Variants in ALK observed in about 807,000 individuals in gnomAD.
The protein encoded by ALK is ALK receptor tyrosine kinase.
ALK carries 74 observed loss-of-function variants against 163.1 expected under a neutral mutation model. That is an observed-to-expected ratio of 0.45 (90% confidence interval 0.38 to 0.55). The LOEUF (loss-of-function observed/expected upper bound fraction) is 0.55, where lower values mean the gene tolerates loss of function less well. Among genes scored for constraint, ALK ranks in the 20% least tolerant of loss-of-function variants. ALK has a pLI of 0.00. For synonymous variants in ALK, 960 were observed against 843.2 expected, an observed-to-expected ratio of 1.14 and a Z score of -2.40; for missense variants, 2,063 against 2,105.3, an observed-to-expected ratio of 0.98 and a Z score of 0.39.
chr2:29,659,507 C>T (rs188484085), intron 3 of ALK, among the ~76,000 whole-genome samples: 9 of 152,228 alleles, frequency 5.9e-5, no homozygotes, highest in Admixed American at 4.6e-4. Context: ...TTTCTGTGAG[C>T]AGCCCCTTAA....
intron 8 of ALK, among the ~76,000 whole-genome samples, chr2:29,303,002 C>T (rs1018729386): frequency 8.5e-5 from 13 of 152,116 alleles, no homozygotes; most frequent in Middle Eastern, 3.4e-3. Context: ...GCAAATGCAA[C>T]AAAAACAAAA....
intron 4 of ALK, among the ~76,000 whole-genome samples, chr2:29,422,913 GTTTTTTT>G (rs59625011): frequency 7.2e-6 from 1 of 138,674 alleles, no homozygotes; most frequent in East Asian, 2.2e-4. Flanking sequence ...CACTTGATAT[GTTTTTTT>G]TTTTTTTTTC....
chr2:29,354,439 A>G (rs983157956), intron 5 of ALK, among the ~76,000 whole-genome samples: 2 of 152,188 alleles, frequency 1.3e-5, no homozygotes, highest in African/African-American at 4.8e-5. Context: ...GTTGAGCTGA[A>G]TGATCCTGGG....
intron 3 of ALK, among the ~76,000 whole-genome samples, chr2:29,623,376 C>T (rs1055996291): frequency 6.6e-6 from 1 of 152,090 alleles, no homozygotes; most frequent in African/African-American, 2.4e-5. Context: ...AAAATCACCA[C>T]TAGAAGAAAC....
At chr2:29,254,153 T>A (rs1468310049) in intron 11 of ALK, among the ~76,000 whole-genome samples, 1 of 152,214 alleles carries the variant, frequency 6.6e-6, no homozygotes, top group Non-Finnish European at 1.5e-5. Flanking sequence ...CCTTCTGCCA[T>A]AAGTGTAAGT....
intron 5 of ALK, among the ~76,000 whole-genome samples, chr2:29,334,852 T>G (rs1396744794): frequency 2.6e-5 from 4 of 152,276 alleles, no homozygotes; most frequent in Admixed American, 1.3e-4. Flanking sequence ...AGCCCCAAAC[T>G]AACGAGGCAC....
intron 3 of ALK, among the ~76,000 whole-genome samples, chr2:29,691,272 G>T (rs899142312): frequency 1.3e-5 from 2 of 152,204 alleles, no homozygotes; most frequent in Non-Finnish European, 2.9e-5. Context: ...TTCCGTGACT[G>T]ATCCATGCTG....
chr2:29,524,293 C>A (rs985566295), intron 4 of ALK, among the ~76,000 whole-genome samples: 16 of 152,186 alleles, frequency 1.1e-4, no homozygotes, highest in African/African-American at 3.9e-4. Flanking sequence ...GACTTGTGGG[C>A]CAGAATTAGA....
At chr2:29,844,115 T>C (rs1207205904) in intron 1 of ALK, among the ~76,000 whole-genome samples, 2 of 152,088 alleles carry the variant, frequency 1.3e-5, no homozygotes, top group Non-Finnish European at 1.5e-5. Context: ...GTGAAGGAAA[T>C]TTCCTTGAGG....
chr2:29,715,647 G>A (rs1353301898), intron 2 of ALK, among the ~76,000 whole-genome samples: 38 of 152,202 alleles, frequency 2.5e-4, no homozygotes, highest in Admixed American at 2.5e-3. Flanking sequence ...GGGGCATTCT[G>A]CATTTTATAA....
At chr2:29,550,294 T>C (rs1202320600) in intron 3 of ALK, among the ~76,000 whole-genome samples, 1 of 152,170 alleles carries the variant, frequency 6.6e-6, no homozygotes, top group East Asian at 1.9e-4. Flanking sequence ...AACTTGCCTA[T>C]CAGCTCAAGA....
At chr2:29,731,313 C>T (rs1470743372) in intron 1 of ALK, among the ~76,000 whole-genome samples, 2 of 152,224 alleles carry the variant, frequency 1.3e-5, no homozygotes, top group Non-Finnish European at 2.9e-5. Context: ...ATTAGGGGCT[C>T]ATCATGACTG....
intron 3 of ALK, among the ~76,000 whole-genome samples, chr2:29,620,920 T>C (rs1351170966): frequency 6.6e-6 from 1 of 152,194 alleles, no homozygotes; most frequent in Non-Finnish European, 1.5e-5. Context: ...TGTGCTATCA[T>C]CTGGTCAAGT....
intron 1 of ALK, among the ~76,000 whole-genome samples, chr2:29,832,502 G>A (rs1464193159): frequency 6.6e-6 from 1 of 152,244 alleles, no homozygotes; most frequent in African/African-American, 2.4e-5. Flanking sequence ...GAGAGTGAGT[G>A]TGTGTGCACA....
At chr2:29,664,095 C>A (rs1289895986) in intron 3 of ALK, among the ~76,000 whole-genome samples, 2 of 152,126 alleles carry the variant, frequency 1.3e-5, no homozygotes, top group Non-Finnish European at 2.9e-5. Flanking sequence ...TGAAACATTT[C>A]TCCTACAAAC....
Position 29,765,635 on chromosome 2 carries a change from C to CT in ALK, c.668-47939dup, listed in dbSNP as rs890081417. ...CGCTTTTAGAATAAAAAAAGAGTAC[C>CT]TTTTTTTTTAAATTTAAATTTAAAA... On this transcript the variant is annotated intron_variant, in intron 1 of 28. Transcript: ENST00000389048. Among the ~76,000 whole-genome samples, 20 of 151,090 alleles carry CT rather than the reference C, an allele frequency of 1.3e-4. No individual in the cohort carries two copies. The East Asian group carries it at 1.4e-3, about 10-fold the overall frequency.
At chr2:29,534,602 G>T (rs2148160959) in intron 3 of ALK, among the ~76,000 whole-genome samples, 1 of 152,312 alleles carries the variant, frequency 6.6e-6, no homozygotes, top group East Asian at 1.9e-4. Flanking sequence ...GAAACCAGGA[G>T]TTTTCTGAGC....
At chr2:29,723,322 A>G (rs189233035) in intron 1 of ALK, among the ~76,000 whole-genome samples, 1 of 152,318 alleles carries the variant, frequency 6.6e-6, no homozygotes, top group Non-Finnish European at 1.5e-5. Context: ...ACTCAGAGGT[A>G]CATGGCCACT....
At chr2:29,206,809 G>A (rs1400434567) in intron 26 of ALK, among the ~76,000 whole-genome samples, 1 of 151,680 alleles carries the variant, frequency 6.6e-6, no homozygotes, top group Non-Finnish European at 1.5e-5. Context: ...GTATGTATGT[G>A]TACTTTGTGA....
Sources: gnomAD v4.1 joint callset for allele counts (sites outside exome capture counted in the v4.1 genomes callset) on GRCh38, gnomAD v4.1.1 for gene constraint, MANE v1.5 for transcripts, NCBI Gene and HGNC (gene_info 2026-07-23, HGNC 2026-07-21) for gene names.